PSD2: variants seen among roughly 807,000 people sequenced by gnomAD.
PSD2 encodes pleckstrin and Sec7 domain containing 2, also known as PH and SEC7 domain-containing protein 2.
A neutral mutation model predicts 69.8 loss-of-function variants in PSD2; 38 were observed. The observed-to-expected ratio is 0.54, with a 90% CI of 0.42 to 0.71. The LOEUF is 0.71. PSD2 is among the 30% of genes least tolerant of loss of function. PSD2 has a pLI of 0.00. For synonymous variants in PSD2, 412 were observed against 423.0 expected (o/e 0.97, Z 0.32); for missense variants, 943 against 1,014.5 (o/e 0.93, Z 0.96).
chr5:139,756,930 C>G, the PSD2 span, among the ~76,000 whole-genome samples: 1 of 152,226 alleles, frequency 6.6e-6, no homozygotes, highest in Non-Finnish European at 1.5e-5. Flanking sequence ...TTGAGCACTT[C>G]CTAATTGCAG....
chr5:139,755,221 G>A, the PSD2 span, among the ~76,000 whole-genome samples: 1 of 152,138 alleles, frequency 6.6e-6, no homozygotes, highest in African/African-American at 2.4e-5. Context: ...TTCCAGCGAC[G>A]CCACCTCATC....
chr5:139,783,714 G>T, the PSD2 span, among the ~76,000 whole-genome samples: 1 of 151,972 alleles, frequency 6.6e-6, no homozygotes, highest in Admixed American at 6.6e-5. Flanking sequence ...AACGGCTCTT[G>T]TCAAGGTCCC....
At chr5:139,821,124 G>C (rs1412290866) in intron 5 of PSD2, among the ~76,000 whole-genome samples, 1 of 152,106 alleles carries the variant, frequency 6.6e-6, no homozygotes, top group South Asian at 2.1e-4. Context: ...GTAGAGATGG[G>C]GTTTCACCAT....
the PSD2 span, among the ~76,000 whole-genome samples, chr5:139,788,721 G>A: frequency 6.6e-6 from 1 of 152,220 alleles, no homozygotes; most frequent in Non-Finnish European, 1.5e-5. Context: ...GCCGGCGGCC[G>A]GCTGCCGGCT....
the PSD2 span, among the ~76,000 whole-genome samples, chr5:139,768,747 C>T: frequency 2.0e-5 from 3 of 151,870 alleles, no homozygotes; most frequent in East Asian, 1.9e-4. Context: ...AACAACACCT[C>T]CCTCCCTCCT....
At position 139,806,758 on chromosome 5, in the gene PSD2, A is replaced by ATGC. The variant is rs1386347145; in HGVS notation, c.-50-2633_-50-2632insTGC. ...GGGCATCGTTTTACACCTCTACCCTAAAGCCTCCCCTTTATGCAGCCCTTG... is the reference window on the plus strand; with the variant it reads ...GGGCATCGTTTTACACCTCTACCCTATGCAAGCCTCCCCTTTATGCAGCCCTTG... On this transcript the variant is annotated intron_variant, in intron 1 of 14. Transcript: ENST00000274710. 6.6e-5 allele frequency among the ~76,000 whole-genome samples: 10 copies of ATGC among 152,140 alleles called. No individual in the cohort carries two copies. The East Asian group carries it at 1.9e-3, about 29-fold the overall frequency.
At position 139,840,048 on chromosome 5, in the gene PSD2, G is replaced by C. The variant is rs1760833541; in HGVS notation, c.1990G>C (p.Glu664Gln). 6.2e-7 allele frequency: 1 copy of C among 1,614,240 alleles called. No individual in the cohort carries two copies. ...GCAGGAGGAGCAACTGCGGTCTCAT[G>C]AGAATAAGTTGAGGCAGCTGACTGC... ...LCQEEQLRSH[E>Q]NKLRQLTAEL... The change falls in exon 14 of 15, where the codon GAG becomes CAG. Residue 664 changes from glutamate to glutamine, a missense_variant. Transcript: ENST00000274710.
At chr5:139,779,285 C>T in the PSD2 span, among the ~76,000 whole-genome samples, 43 of 152,208 alleles carry the variant, frequency 2.8e-4, no homozygotes, top group Non-Finnish European at 5.9e-4. Flanking sequence ...TTCTTCTCCA[C>T]ATTTTATTGT....
chr5:139,790,058 C>T, the PSD2 span, among the ~76,000 whole-genome samples: 1 of 151,938 alleles, frequency 6.6e-6, no homozygotes, highest in Admixed American at 6.6e-5. Context: ...ACCGGTGTGT[C>T]TGCAGGAGAA....
At chr5:139,765,664 C>G in the PSD2 span, among the ~76,000 whole-genome samples, 1 of 152,220 alleles carries the variant, frequency 6.6e-6, no homozygotes, top group African/African-American at 2.4e-5. Context: ...AGCAGGAGAC[C>G]GAAGCGCGGG....
rs143141829 is a variant in PSD2 at position 139,813,450 on chromosome 5, C to T, written c.513C>T (p.Asp171=). 105 of 1,614,052 alleles carry T rather than the reference C, an allele frequency of 6.5e-5. No homozygotes were observed. In the African/African-American group the frequency reaches 1.3e-3, roughly 21 times the overall value. ...GGCTGAGCCTCACGGATGAGAGCGACAGCTGCGTCAGCTTCGAGGCCCCCC... is the reference window on the plus strand; with the variant it reads ...GGCTGAGCCTCACGGATGAGAGCGATAGCTGCGTCAGCTTCGAGGCCCCCC... The part of the protein sequence containing the change: ...LDGLSLTDES[D]SCVSFEAPLT... Residue 171 remains aspartate, a synonymous_variant, in exon 3 of 15, where the codon GAC becomes GAT. Coordinates refer to ENST00000274710, the MANE Select transcript of PSD2 (RefSeq NM_032289.4).
At chr5:139,791,603 C>G (rs955341883), upstream of PSD2, among the ~76,000 whole-genome samples, 3 of 152,014 alleles carry the variant, frequency 2.0e-5, no homozygotes, top group African/African-American at 7.3e-5. Flanking sequence ...TGGCCTGAGA[C>G]CCTCTCTCAG....
chr5:139,753,668 T>C, the PSD2 span, among the ~76,000 whole-genome samples: 1 of 152,048 alleles, frequency 6.6e-6, no homozygotes, highest in Non-Finnish European at 1.5e-5. Context: ...CATTTGACAG[T>C]GAAGGCAACC....
chr5:139,809,864 G>T, intron 2 of PSD2, 53 bp downstream of exon 2: 1 of 1,591,908 alleles, frequency 6.3e-7, no homozygotes, highest in Non-Finnish European at 8.5e-7. Context: ...TTCTGTTGTT[G>T]TGTGGCCTGG....
intron 4 of PSD2, among the ~76,000 whole-genome samples, chr5:139,815,344 T>C (rs572417254): frequency 1.3e-5 from 2 of 151,854 alleles, no homozygotes; most frequent in East Asian, 3.9e-4. Context: ...GGAGCCTTCT[T>C]TGTGGCCTGC....
chr5:139,804,947 G>C (rs948553009), intron 1 of PSD2, among the ~76,000 whole-genome samples: 3 of 151,350 alleles, frequency 2.0e-5, no homozygotes, highest in Non-Finnish European at 4.4e-5. Context: ...GTGTCTGCAC[G>C]TGTGCGTGTG....
At chr5:139,835,098 A>C (rs1760684624) in intron 8 of PSD2, among the ~76,000 whole-genome samples, 2 of 148,634 alleles carry the variant, frequency 1.3e-5, no homozygotes, top group Non-Finnish European at 1.5e-5. Context: ...ATCCCCCATC[A>C]CCCATTTCCC....
At chr5:139,817,729 C>T (rs541733560) in intron 5 of PSD2, among the ~76,000 whole-genome samples, 168 bp downstream of exon 5, 72 of 152,226 alleles carry the variant, frequency 4.7e-4, no homozygotes, top group African/African-American at 1.7e-3. Flanking sequence ...AACAGTTAGG[C>T]GAGTGCCCAC....
chr5:139,807,939 C>T (rs1297298327), intron 1 of PSD2, among the ~76,000 whole-genome samples: 1 of 152,206 alleles, frequency 6.6e-6, no homozygotes, highest in Non-Finnish European at 1.5e-5. Flanking sequence ...GCCTGGTAAT[C>T]TGCATTGTAC....
Sources: gnomAD v4.1 joint callset for allele counts (sites outside exome capture counted in the v4.1 genomes callset) on GRCh38, gnomAD v4.1.1 for gene constraint, MANE v1.5 for transcripts, NCBI Gene and HGNC (gene_info 2026-07-23, HGNC 2026-07-21) for gene names.